The following ARHGEF18 variants were observed in gnomAD, a reference collection of about 807,000 sequenced individuals.
ARHGEF18 encodes the protein rho guanine nucleotide exchange factor 18.
In ARHGEF18, 93 loss-of-function variants were observed where a neutral mutation model predicts 155.7. The ratio of observed to expected loss-of-function variants is 0.60; its 90% CI spans 0.50 to 0.71. ARHGEF18 has a LOEUF of 0.71. Among genes scored for constraint, ARHGEF18 ranks in the 30% least tolerant of loss-of-function variants. The pLI, the probability that ARHGEF18 is intolerant of heterozygous loss-of-function variation, is 0.00. For synonymous variants in ARHGEF18, 742 were observed against 753.1 expected (o/e 0.99, Z 0.24); for missense variants, 1,593 against 1,816.1 (o/e 0.88, Z 2.23).
In ARHGEF18 at chr19:7,444,247, C is replaced by T; in HGVS notation, c.1404C>T (p.Ile468=). ...TEVHHVRTLK[I]MLKVYSRALQ... is the part of the protein sequence containing the mutation. ...TGCACCACGTGCGGACGCTCAAGATCATGCTGAAGGTGTACTCCAGGGCCC... is the reference window on the plus strand; with the variant it reads ...TGCACCACGTGCGGACGCTCAAGATTATGCTGAAGGTGTACTCCAGGGCCC... The change falls in exon 14 of 29, where the codon ATC becomes ATT. Residue 468 remains isoleucine (I), a synonymous_variant. Transcript: ENST00000668164. The surrounding 1 kb of genome is among the most constrained non-coding windows in gnomAD (Gnocchi z 4.7). 1 of 1,613,626 alleles carries T rather than the reference C, an allele frequency of 6.2e-7. No homozygotes were observed. The highest frequency in any genetic ancestry group is 2.2e-5 in the East Asian group (1 of 44,878).
chr19:7,469,809 G>T (rs1412284585), intron 27 of ARHGEF18, 95 bp from the exon 28 acceptor site: 3 of 1,456,408 alleles, frequency 2.1e-6, no homozygotes, highest in Non-Finnish European at 1.9e-6. Context: ...AGTGTCAGGT[G>T]GGGGTGGCCA....
At chr19:7,386,579 T>C (rs1354690417) in intron 10 of ARHGEF18, among the ~76,000 whole-genome samples, 1 of 151,722 alleles carries the variant, frequency 6.6e-6, no homozygotes, top group East Asian at 1.9e-4. Flanking sequence ...GCCCTGTGGA[T>C]AGGTAGGGAA....
intron 10 of ARHGEF18, among the ~76,000 whole-genome samples, chr19:7,427,502 G>A (rs1042117748): frequency 9.1e-6 from 1 of 109,550 alleles, no homozygotes. Flanking sequence ...AAAATCAGCC[G>A]AGTGTGGGAG....
At chr19:7,428,301 T>C (rs1973769354) in intron 10 of ARHGEF18, among the ~76,000 whole-genome samples, 1 of 152,192 alleles carries the variant, frequency 6.6e-6, no homozygotes, top group African/African-American at 2.4e-5. Context: ...AGGTAGTTTG[T>C]GTTCCCATCT....
At chr19:7,446,697 C>T (rs1027123237) in intron 14 of ARHGEF18, among the ~76,000 whole-genome samples, 4 of 152,020 alleles carry the variant, frequency 2.6e-5, no homozygotes, top group South Asian at 2.1e-4. Flanking sequence ...GCCAAGATCA[C>T]GCCACTGCAC....
Position 7,459,987 on chromosome 19 carries a change from C to T in ARHGEF18, c.2445C>T (p.Asp815=), listed in dbSNP as rs1444383172. Residue 815 remains aspartate (D), a synonymous_variant, in exon 20 of 29, where the codon GAC becomes GAT. Transcript: ENST00000668164. ...AGGCCCGCGCCACGAGACTCCGGGA[C>T]TTTCAAGGTGAGCGGGAGACAGCGT... ...VVEARATRLR[D]FQERLSMKDQ... is the part of the protein sequence containing the mutation. 6.3e-7 allele frequency: 1 copy of T among 1,577,658 alleles called. No homozygotes were observed.
At chr19:7,381,305 G>A (rs1970723144) in intron 8 of ARHGEF18, among the ~76,000 whole-genome samples, 1 of 152,176 alleles carries the variant, frequency 6.6e-6, no homozygotes, top group African/African-American at 2.4e-5. Context: ...TCGGAGTGGG[G>A]CTGGGAGGAG....
At chr19:7,351,455 C>G (rs1451220487) in intron 1 of ARHGEF18, among the ~76,000 whole-genome samples, 1 of 151,566 alleles carries the variant, frequency 6.6e-6, no homozygotes, top group Non-Finnish European at 1.5e-5. Context: ...TCCCAAGTAG[C>G]TGGGACTACA....
chr19:7,477,195 G>A (rs765161621), downstream of ARHGEF18: 10 of 1,469,102 alleles, frequency 6.8e-6, no homozygotes, highest in Middle Eastern at 1.8e-4. Context: ...GTGCTCTTCC[G>A]GCAGTGTCAG....
At chr19:7,360,626 C>G (rs953868318) in intron 1 of ARHGEF18, among the ~76,000 whole-genome samples, 2 of 152,210 alleles carry the variant, frequency 1.3e-5, no homozygotes, top group African/African-American at 4.8e-5. Flanking sequence ...CAGGAGGCCT[C>G]AGGCCTCCAC....
Position 7,463,683 on chromosome 19 carries a change from C to A in ARHGEF18, c.2636-135C>A. On this transcript the variant is annotated intron_variant, in intron 21 of 28. Transcript: ENST00000668164. The surrounding 1 kb of genome is among the most constrained non-coding windows in gnomAD (Gnocchi z 5.2). ...GGACAGTGGGGCTGAAATCCCACGG[C>A]ACACAGAAGGGGGCAGGCGATCACC... 1.8e-6 allele frequency: 2 copies of A among 1,131,860 alleles called. No individual in the cohort carries two copies. Among genetic ancestry groups the A allele is most frequent in the Non-Finnish European group, 2.5e-6 (2 of 811,076 alleles). 70.1% of individuals were successfully genotyped at this position (1,131,860 alleles called of 1,614,324 possible). A position where few individuals can be genotyped will look rare whatever the true frequency, so the allele number is the denominator to read the frequency against.
intron 16 of ARHGEF18, among the ~76,000 whole-genome samples, chr19:7,452,185 C>T (rs549217092): frequency 5.6e-4 from 86 of 152,320 alleles, no homozygotes; most frequent in African/African-American, 1.7e-3. Context: ...TGGATGGAGA[C>T]GGTGCCCTGG....
At chr19:7,415,569 T>C (rs10415397) in intron 10 of ARHGEF18, among the ~76,000 whole-genome samples, 17,403 of 151,982 alleles carry the variant, frequency 0.11, 2,005 homozygotes, top group African/African-American at 0.3. Context: ...CCAAGGCCCA[T>C]GGCAGAACCT....
downstream of ARHGEF18, chr19:7,477,182 C>T: frequency 6.9e-7 from 1 of 1,453,884 alleles, no homozygotes; most frequent in South Asian, 1.5e-5. Context: ...TGGCTGTGTC[C>T]CTGTGCTCTT....
At chr19:7,477,245 T>C, downstream of ARHGEF18, 1 of 1,563,602 alleles carries the variant, frequency 6.4e-7, no homozygotes, top group African/African-American at 1.4e-5. Flanking sequence ...CCGGGCCGCC[T>C]GGTACATGCT....
Position 7,469,112 on chromosome 19 carries a change from T to G in ARHGEF18, c.3768T>G (p.Ser1256=). The change falls in exon 27 of 29, where the codon TCT becomes TCG. Residue 1256 remains serine, a synonymous_variant. Coordinates refer to ENST00000668164, the MANE Select transcript of ARHGEF18 (RefSeq NM_001367823.1). ...GKDKGGKSRG[S]QRWESSASFD... ...ACAAGGGCGGCAAGAGCAGGGGCTC[T>G]CAGCGCTGGGAGAGCTCAGGTGAGC... 6.2e-7 allele frequency: 1 copy of G among 1,604,008 alleles called. No homozygotes were observed. The highest frequency in any genetic ancestry group is 8.5e-7 in the Non-Finnish European group (1 of 1,176,618).
At chr19:7,459,858 C>A in intron 19 of ARHGEF18, 45 bp from the exon 20 acceptor site, 1 of 1,518,538 alleles carries the variant, frequency 6.6e-7, no homozygotes, top group Non-Finnish European at 8.9e-7. Flanking sequence ...CCGAGGCTGG[C>A]CTGCCTGGGA....
At chr19:7,388,414 T>A (rs1479738389) in intron 10 of ARHGEF18, among the ~76,000 whole-genome samples, 4 of 151,734 alleles carry the variant, frequency 2.6e-5, no homozygotes, top group Admixed American at 2.6e-4. Context: ...CTAAACCGAT[T>A]TCCTCATTCA....
intron 5 of ARHGEF18, 127 bp from the exon 6 acceptor site, chr19:7,378,267 C>T: frequency 1.7e-6 from 1 of 582,938 alleles, no homozygotes; most frequent in African/African-American, 1.9e-5. Context: ...CCTGAGAGTA[C>T]AGGCCCTGTC....
Sources: allele counts gnomAD v4.1 joint callset (sites outside exome capture counted in the v4.1 genomes callset), GRCh38; gene constraint gnomAD v4.1.1; non-coding constraint Gnocchi (gnomAD v3.1); transcripts MANE v1.5; gene names NCBI Gene and HGNC (gene_info 2026-07-23, HGNC 2026-07-21).